The following ZCWPW1 variants were observed in gnomAD, a reference collection of about 807,000 sequenced individuals.
The protein encoded by ZCWPW1 is zinc finger CW-type PWWP domain protein 1.
In ZCWPW1, 56 loss-of-function variants were observed where a neutral mutation model predicts 81.3. The observed-to-expected ratio is 0.69, with a 90% CI of 0.56 to 0.86. The LOEUF (loss-of-function observed/expected upper bound fraction) is 0.86. ZCWPW1 is among the 40% of genes least tolerant of loss of function. ZCWPW1 has a pLI of 0.00. For synonymous variants in ZCWPW1, 250 were observed against 273.7 expected (o/e 0.91, Z 0.86); for missense variants, 650 against 769.8 (o/e 0.84, Z 1.84).
At chr7:100,420,070 G>C (rs1172264186) in intron 3 of ZCWPW1, among the ~76,000 whole-genome samples, 187 bp from the exon 4 acceptor site, 1 of 152,180 alleles carries the variant, frequency 6.6e-6, no homozygotes, top group Non-Finnish European at 1.5e-5. Flanking sequence ...TTAGACATGA[G>C]AGGCCTAGCA....
At chr7:100,406,633 G>A (rs1201544469) in intron 12 of ZCWPW1, 61 bp downstream of exon 12, 6 of 1,500,962 alleles carry the variant, frequency 4.0e-6, no homozygotes, top group Non-Finnish European at 4.6e-6. Context: ...AGAAAATGAG[G>A]TTTAAGAAAA....
At chr7:100,417,259 TAA>T (rs879862903) in intron 5 of ZCWPW1, 76 bp from the exon 6 acceptor site, 3 of 1,129,688 alleles carry the variant, frequency 2.7e-6, no homozygotes, top group Non-Finnish European at 3.9e-6. Context: ...ACATTTTCTC[TAA>T]AGTGTCTTCT....
At chr7:100,411,750 T>G (rs960975674) in intron 8 of ZCWPW1, among the ~76,000 whole-genome samples, 1 of 152,170 alleles carries the variant, frequency 6.6e-6, no homozygotes, top group Admixed American at 6.5e-5. Flanking sequence ...TACAAATTGT[T>G]AGCTGTGAAA....
intron 13 of ZCWPW1, among the ~76,000 whole-genome samples, chr7:100,404,616 T>C (rs977955435): frequency 2.6e-5 from 4 of 152,168 alleles, no homozygotes; most frequent in African/African-American, 7.2e-5. Context: ...TGCCTTGGCC[T>C]CCCAAAGTGC....
chr7:100,401,061 T>G lies in ZCWPW1; in HGVS notation c.1903A>C (p.Ser635Arg). The change falls in exon 18 of 18, where the codon AGC becomes CGC. Residue 635 changes from serine (S) to arginine (R), a missense_variant. Ser to Arg is a moderately radical substitution (Grantham distance 110). Coordinates refer to ENST00000684423, the MANE Select transcript of ZCWPW1 (RefSeq NM_001386010.1). Reference sequence around the variant, plus strand: ...GGGAAGTCCTCGCCATCACTGTTGCTGTGCTGCAGCTCCCCGCTCTGCCCC... The same window carrying G: ...GGGAAGTCCTCGCCATCACTGTTGCGGTGCTGCAGCTCCCCGCTCTGCCCC... The part of the protein sequence containing the change: ...ELGQSGELQH[S>R]NSDGEDFPVA... 1 of 1,614,038 alleles carries G rather than the reference T, an allele frequency of 6.2e-7. No homozygotes were observed.
At position 100,406,788 on chromosome 7, in the gene ZCWPW1, T is replaced by C. The variant is rs1391803581; in HGVS notation, c.1079A>G (p.His360Arg). 1.9e-6 allele frequency: 3 copies of C among 1,614,054 alleles called. No homozygotes were observed. In the Admixed American group the frequency reaches 5.0e-5, roughly 27 times the overall value. ...AACTGTTTCTCCAAAAAACGTCACA[T>C]GGTACTTAGACTGAAATAAAAGATG... Reference protein sequence around the residue: ...SHLDSLPSKYHVTFFGETVSR... With the variant: ...SHLDSLPSKYRVTFFGETVSR... Residue 360 changes from histidine (H) to arginine (R), a missense_variant, in exon 12 of 18, where the codon CAT (histidine) becomes CGT (arginine). By Grantham distance (29) the His-to-Arg change is conservative. Transcript: ENST00000684423.
chr7:100,414,658 C>G (rs1040403248), intron 8 of ZCWPW1, among the ~76,000 whole-genome samples: 1 of 152,114 alleles, frequency 6.6e-6, no homozygotes, highest in African/African-American at 2.4e-5. Context: ...TCAAGTGATC[C>G]TCCTGCCTTG....
Position 100,409,544 on chromosome 7 carries a change from C to A in ZCWPW1, c.755G>T (p.Gly252Val), listed in dbSNP as rs200560531. The change falls in exon 9 of 18, where the codon GGT (glycine) becomes GTT (valine). Residue 252 changes from glycine (G) to valine (V), a missense_variant and splice_region_variant. Coordinates refer to ENST00000684423, the MANE Select transcript of ZCWPW1 (RefSeq NM_001386010.1). Reference sequence around the variant, plus strand: ...ACACTGGACCCAGACCAGACATTGACCTGTGAGAGGAAAAAAATGAAATAA... The same window carrying A: ...ACACTGGACCCAGACCAGACATTGAACTGTGAGAGGAAAAAAATGAAATAA... ...DQQKGEISGFGQCLVWVQCSF... is the reference protein window; with the variant it reads ...DQQKGEISGFVQCLVWVQCSF... 6.4e-4 allele frequency: 1,024 copies of A among 1,607,624 alleles called. 1 individual carries two copies. The highest frequency in any genetic ancestry group is 8.2e-4 in the Non-Finnish European group (970 of 1,175,968).
intron 2 of ZCWPW1, among the ~76,000 whole-genome samples, chr7:100,423,355 C>T (rs971320008): frequency 1.3e-5 from 2 of 152,088 alleles, no homozygotes; most frequent in Admixed American, 6.6e-5. Flanking sequence ...GATCCAAAAG[C>T]GACGTAAAAT....
In ZCWPW1 at chr7:100,417,136, C is replaced by T. The variant is rs375231035; in HGVS notation, c.409G>A (p.Val137Ile). Reference sequence around the variant, plus strand: ...TCCTTGTCTGATTGGGTAGATACTACGGGCTGGGCACAAGAAGTCTCTGCA... The same window carrying T: ...TCCTTGTCTGATTGGGTAGATACTATGGGCTGGGCACAAGAAGTCTCTGCA... ...DFAETSCAQP[V>I]VSTQSDKEPG... Residue 137 changes from valine (V) to isoleucine (I), a missense_variant, in exon 6 of 18, where the codon GTA becomes ATA. Val to Ile is a conservative substitution (Grantham distance 29). Transcript: ENST00000684423. The T allele has an allele frequency of 2.1e-5, 34 of 1,612,376 alleles. No homozygotes were observed. Among genetic ancestry groups the T allele is most frequent in the African/African-American group, 1.2e-4 (9 of 74,744 alleles).
chr7:100,402,006 C>T lies in ZCWPW1; in HGVS notation c.1510G>A (p.Gly504Ser). 1 of 1,613,786 alleles carries T rather than the reference C, an allele frequency of 6.2e-7. No individual in the cohort carries two copies. Among genetic ancestry groups the T allele is most frequent in the Non-Finnish European group, 8.5e-7 (1 of 1,179,842 alleles). ...GGDAGTADGR[G>S]RTLQRKIMKR... ...ATTATCTTCCTCTGCAGTGTCCTGC[C>T]TCGGCCATCTGCTGTGCCTGCATCA... Residue 504 changes from glycine to serine, a missense_variant, in exon 17 of 18, where the codon GGC becomes AGC. Gly to Ser is a moderately conservative substitution (Grantham distance 56, BLOSUM62 0). Transcript: ENST00000684423.
intron 8 of ZCWPW1, among the ~76,000 whole-genome samples, chr7:100,412,868 A>G (rs1794485708): frequency 6.6e-6 from 1 of 152,162 alleles, no homozygotes; most frequent in Non-Finnish European, 1.5e-5. Context: ...GGCATGAGCC[A>G]CCACGCCCAG....
chr7:100,417,208 A>G, intron 5 of ZCWPW1, 25 bp from the exon 6 acceptor site: 3 of 1,596,076 alleles, frequency 1.9e-6, no homozygotes, highest in Non-Finnish European at 2.6e-6. Context: ...TACTATAAGC[A>G]GAGAAGCAAA....
chr7:100,417,268 T>C, intron 5 of ZCWPW1, 85 bp from the exon 6 acceptor site: 2 of 1,035,784 alleles, frequency 1.9e-6, no homozygotes, highest in Non-Finnish European at 2.9e-6. Flanking sequence ...CTAAAGTGTC[T>C]TCTCCCTGTA....
At chr7:100,425,684 A>C (rs1317995222) in intron 1 of ZCWPW1, among the ~76,000 whole-genome samples, 1 of 152,222 alleles carries the variant, frequency 6.6e-6, no homozygotes, top group East Asian at 1.9e-4. Context: ...GCAGAAACAG[A>C]CGAGAACCCA....
Position 100,417,122 on chromosome 7 carries a change from T to C in ZCWPW1, c.423A>G (p.Gln141=). The stretch of plus-strand genomic sequence containing the variant: ...CAGTAATTCCTGGCTCCTTGTCTGA[T>C]TGGGTAGATACTACGGGCTGGGCAC... The part of the protein sequence containing the change: ...TSCAQPVVST[Q]SDKEPGITAS... The change falls in exon 6 of 18, where the codon CAA becomes CAG. Residue 141 remains glutamine, a synonymous_variant. Coordinates refer to ENST00000684423, the MANE Select transcript of ZCWPW1 (RefSeq NM_001386010.1). 2 of 1,614,072 alleles carry C rather than the reference T, an allele frequency of 1.2e-6. No homozygotes were observed. Among genetic ancestry groups the C allele is most frequent in the Non-Finnish European group, 1.7e-6 (2 of 1,180,024 alleles).
At chr7:100,408,431 G>A in intron 10 of ZCWPW1, 108 bp downstream of exon 10, 1 of 1,462,540 alleles carries the variant, frequency 6.8e-7, no homozygotes, top group East Asian at 2.3e-5. Context: ...CTCTTTCTAA[G>A]GCCAGAACCA....
chr7:100,421,073 C>T (rs2130822118), intron 2 of ZCWPW1, among the ~76,000 whole-genome samples: 1 of 152,294 alleles, frequency 6.6e-6, no homozygotes, highest in Admixed American at 6.5e-5. Flanking sequence ...TCACTTGAGC[C>T]CAGGAGGCGG....
chr7:100,416,803 G>T (rs552436761), intron 6 of ZCWPW1, among the ~76,000 whole-genome samples: 1 of 152,042 alleles, frequency 6.6e-6, no homozygotes. Context: ...AAAATTAGCC[G>T]GGTGTGGTGG....
Sources: allele counts gnomAD v4.1 joint callset (sites outside exome capture counted in the v4.1 genomes callset), GRCh38; gene constraint gnomAD v4.1.1; transcripts MANE v1.5; gene names NCBI Gene and HGNC (gene_info 2026-07-23, HGNC 2026-07-21).